Variants in IGFBP2 observed in about 807,000 individuals in gnomAD.
The protein encoded by IGFBP2 is insulin-like growth factor-binding protein 2.
Under a neutral mutation model 26.2 loss-of-function variants are expected in IGFBP2, and 12 were observed. The observed-to-expected ratio is 0.46, with a 90% confidence interval of 0.29 to 0.74. The LOEUF (loss-of-function observed/expected upper bound fraction) is 0.74, where lower values mean the gene tolerates loss of function less well. IGFBP2 is among the 30% of genes least tolerant of loss of function. IGFBP2 has a pLI of 0.09. For synonymous variants in IGFBP2, 189 were observed against 200.6 expected, an observed-to-expected ratio of 0.94 and a Z score of 0.49; for missense variants, 328 against 441.2, an observed-to-expected ratio of 0.74 and a Z score of 2.30.
intron 1 of IGFBP2, 106 bp from the exon 2 acceptor site, chr2:216,660,451 C>T (rs560840454): frequency 2.6e-5 from 20 of 757,442 alleles, no homozygotes; most frequent in African/African-American, 1.2e-4. Flanking sequence ...TCATTAGCCG[C>T]GCGTCATCTC....
At chr2:216,654,732 C>A (rs1697886486) in intron 1 of IGFBP2, among the ~76,000 whole-genome samples, 1 of 152,186 alleles carries the variant, frequency 6.6e-6, no homozygotes, top group Non-Finnish European at 1.5e-5. Flanking sequence ...AAAGACCTTG[C>A]ATCAGCAAAC....
chr2:216,642,368 G>A lies in IGFBP2; in HGVS notation c.442+8403G>A, dbSNP rs182979951. ...GTCACCCAGGCTGGAGTGCAGTGGC[G>A]CGATCTCGGCTCACTGCAAGCCCGC... On this transcript the variant is annotated intron_variant, in intron 1 of 3. Transcript: ENST00000233809. 6.0e-3 allele frequency among the ~76,000 whole-genome samples: 829 copies of A among 138,082 alleles called. 31 individuals carry two copies. The highest frequency in any genetic ancestry group is 0.055 in the Admixed American group (767 of 13,894). 90.6% of individuals were successfully genotyped at this position (138,082 alleles called of 152,430 possible).
Position 216,660,554 on chromosome 2 carries a change from C to T in IGFBP2, c.443-3C>T. The T allele has an allele frequency of 6.3e-7, 1 of 1,590,964 alleles. No individual in the cohort carries two copies. Among genetic ancestry groups the T allele is most frequent in the Non-Finnish European group, 8.6e-7 (1 of 1,166,906 alleles). On this transcript the variant is annotated splice_polypyrimidine_tract_variant and splice_region_variant and intron_variant, in intron 1 of 3. Transcript: ENST00000233809. ...AGCTTTTCTTCCCTTCCTCTCTTGG[C>T]AGACAATGGCGATGACCACTCAGAA...
At chr2:216,658,965 G>A (rs1251668100) in intron 1 of IGFBP2, among the ~76,000 whole-genome samples, 1 of 152,244 alleles carries the variant, frequency 6.6e-6, no homozygotes, top group African/African-American at 2.4e-5. Context: ...GAGAGGGTCT[G>A]TGTGGGGAGA....
At chr2:216,650,397 T>G (rs1559177747) in intron 1 of IGFBP2, among the ~76,000 whole-genome samples, 1 of 152,246 alleles carries the variant, frequency 6.6e-6, no homozygotes, top group Non-Finnish European at 1.5e-5. Context: ...CCTCCCACAC[T>G]GGGACTGCTT....
intron 3 of IGFBP2, chr2:216,663,180 C>T (rs1688693943): frequency 6.6e-6 from 1 of 152,238 alleles, no homozygotes; most frequent in Non-Finnish European, 1.5e-5. Flanking sequence ...TACATGCCCT[C>T]TAAATGTAAG....
chr2:216,648,632 G>T (rs561363876), intron 1 of IGFBP2, among the ~76,000 whole-genome samples: 1 of 152,010 alleles, frequency 6.6e-6, no homozygotes, highest in Non-Finnish European at 1.5e-5. Context: ...TTTTGAGACA[G>T]AGCCTCTCAC....
At chr2:216,661,324 A>C (rs1291914268) in intron 2 of IGFBP2, 3 of 268,142 alleles carry the variant, frequency 1.1e-5, no homozygotes, top group Middle Eastern at 1.3e-3. Context: ...GGCTGGTCTC[A>C]AACTCCTGGA....
In IGFBP2 at chr2:216,633,677, G is replaced by T. The variant is rs1697433998; in HGVS notation, c.154G>T (p.Ala52Ser). The T allele has an allele frequency of 1.8e-6, 2 of 1,129,510 alleles. No homozygotes were observed. Among genetic ancestry groups the T allele is most frequent in the East Asian group, 9.8e-5 (2 of 20,498 alleles). The allele number at this position is 1,129,510 out of a possible 1,614,324, so 70.0% of individuals were successfully genotyped here. A position where few individuals can be genotyped will look rare whatever the true frequency, so the allele number is the denominator to read the frequency against. Residue 52 changes from alanine (A) to serine (S), a missense_variant, in exon 1 of 4, where the codon GCC becomes TCC. Physicochemically the swap from Ala to Ser is moderately conservative, Grantham distance 99. Transcript: ENST00000233809. ...CPPCTPERLAACGPPPVAPPA... is the reference protein window; with the variant it reads ...CPPCTPERLASCGPPPVAPPA... ...GCCCTGCACACCCGAGCGCCTGGCC[G>T]CCTGCGGGCCCCCGCCGGTTGCGCC... is the stretch of plus-strand genomic sequence containing the variant.
Position 216,656,823 on chromosome 2 carries a change from T to G in IGFBP2, c.443-3734T>G, listed in dbSNP as rs9341190. On this transcript the variant is annotated intron_variant, in intron 1 of 3. Coordinates refer to ENST00000233809, the MANE Select transcript of IGFBP2 (RefSeq NM_000597.3). ...GAGCCTCTGAGCATCACAGACTTCATGTCCACAGATTGGAGAGTTCCAGAA... is the reference window on the plus strand; with the variant it reads ...GAGCCTCTGAGCATCACAGACTTCAGGTCCACAGATTGGAGAGTTCCAGAA... Among the ~76,000 whole-genome samples, 230 of 152,314 alleles carry G rather than the reference T, an allele frequency of 1.5e-3. 1 individual carries two copies. Among genetic ancestry groups the G allele is most frequent in the Non-Finnish European group, 1.6e-3 (109 of 68,028 alleles).
chr2:216,663,673 C>G (rs545980217), intron 3 of IGFBP2: 1 of 369,602 alleles, frequency 2.7e-6, no homozygotes, highest in East Asian at 4.6e-5. Context: ...CCTGAATGGC[C>G]TTGCTAATCA....
intron 1 of IGFBP2, among the ~76,000 whole-genome samples, chr2:216,642,142 G>T (rs1697628484): frequency 6.7e-6 from 1 of 148,872 alleles, no homozygotes; most frequent in Non-Finnish European, 1.5e-5. Context: ...TGGACTATAG[G>T]CACTTGCCAC....
chr2:216,651,865 G>A (rs552593587), intron 1 of IGFBP2, among the ~76,000 whole-genome samples: 18 of 152,230 alleles, frequency 1.2e-4, no homozygotes, highest in East Asian at 5.8e-4. Context: ...GGGTTCAAGC[G>A]ATTCTTGTGC....
intron 1 of IGFBP2, 43 bp from the exon 2 acceptor site, chr2:216,660,514 G>T: frequency 6.7e-7 from 1 of 1,502,206 alleles, no homozygotes; most frequent in South Asian, 1.3e-5. Flanking sequence ...CGTCTCTCTG[G>T]GAAACTGGAC....
chr2:216,633,331 G>GA, upstream of IGFBP2: 1 of 149,184 alleles, frequency 6.7e-6, no homozygotes, highest in Non-Finnish European at 1.5e-5. Flanking sequence ...TGTCGGGGGG[G>GA]AAGGGAGTGG....
intron 1 of IGFBP2, among the ~76,000 whole-genome samples, chr2:216,644,140 C>G (rs1387628874): frequency 6.6e-6 from 1 of 151,358 alleles, no homozygotes; most frequent in Non-Finnish European, 1.5e-5. Flanking sequence ...GAAAGAAATA[C>G]AGAGCAACTG....
chr2:216,664,275 T>TTAATGATA lies in IGFBP2; in HGVS notation c.*171_*172insTAATGATA. On this transcript the variant is annotated 3_prime_UTR_variant, in exon 4 of 4. Coordinates refer to ENST00000233809, the MANE Select transcript of IGFBP2 (RefSeq NM_000597.3). This position sits in a 1 kb window ranked among gnomAD's most constrained non-coding sequence, Gnocchi z 4.6. ...CTCGGCACCTCCCCGGCCTCTCTCT[T>TTAATGATA]CCCAGCTGCAGATGCCACACCTGCT... The TTAATGATA allele has an allele frequency of 2.0e-6, 1 of 492,468 alleles. No homozygotes were observed. Among genetic ancestry groups the TTAATGATA allele is most frequent in the Non-Finnish European group, 3.5e-6 (1 of 286,962 alleles). The allele number at this position is 492,468 out of a possible 1,614,324, so 30.5% of individuals were successfully genotyped here.
chr2:216,653,832 T>G (rs1050432521), intron 1 of IGFBP2, among the ~76,000 whole-genome samples: 2 of 152,200 alleles, frequency 1.3e-5, no homozygotes, highest in African/African-American at 4.8e-5. Context: ...TGCTTCTGTG[T>G]TGACCCATTT....
At chr2:216,639,378 C>T (rs1225483681) in intron 1 of IGFBP2, among the ~76,000 whole-genome samples, 1 of 151,886 alleles carries the variant, frequency 6.6e-6, no homozygotes, top group Non-Finnish European at 1.5e-5. Flanking sequence ...GAAAATTCTG[C>T]ACCAAAGGGA....
Sources: gnomAD v4.1 joint callset for allele counts (sites outside exome capture counted in the v4.1 genomes callset) on GRCh38, gnomAD v4.1.1 for gene constraint, Gnocchi (gnomAD v3.1) non-coding constraint, MANE v1.5 for transcripts, NCBI Gene and HGNC (gene_info 2026-07-23, HGNC 2026-07-21) for gene names.